PSME4: variants seen among roughly 807,000 people sequenced by gnomAD.
PSME4 encodes the protein proteasome activator complex subunit 4.
A neutral mutation model predicts 253.9 loss-of-function variants in PSME4; 89 were observed. The observed-to-expected ratio is 0.35, with a 90% CI of 0.30 to 0.42. The LOEUF is 0.42. Among genes scored for constraint, PSME4 ranks in the 10% least tolerant of loss-of-function variants. The pLI is 1.00. For missense variants in PSME4, 2,014 were observed against 2,195.2 expected (o/e 0.92, Z 1.65); for synonymous variants, 851 against 759.2 (o/e 1.12, Z -1.99).
At position 53,949,150 on chromosome 2, in the gene PSME4, A is replaced by G. The variant is rs147035752; in HGVS notation, c.376T>C (p.Leu126=). ...MQGFARLLIN[L]LKKKELLSRA... ...CTCTGGAAAAAGACTTACTTTAACA[A>G]GTTGATCAAAAGGCGGGCAAATCCC... Residue 126 remains leucine (L), a synonymous_variant, in exon 2 of 47, where the codon TTG becomes CTG. Transcript: ENST00000404125. The G allele has an allele frequency of 1.3e-5, 20 of 1,594,400 alleles. No individual in the cohort carries two copies. The African/African-American group carries it at 2.6e-4, about 20-fold the overall frequency.
At chr2:53,917,572 C>T (rs562893962) in intron 20 of PSME4, among the ~76,000 whole-genome samples, 6 of 152,182 alleles carry the variant, frequency 3.9e-5, no homozygotes, top group Admixed American at 2.0e-4. Context: ...CTAATGATTA[C>T]TCAGTACTAA....
Position 53,928,170 on chromosome 2 carries a change from G to C in PSME4, c.1450C>G (p.Leu484Val). Residue 484 changes from leucine (L) to valine (V), a missense_variant, in exon 11 of 47, where the codon CTG becomes GTG. Around this residue, in one of 4 missense-constraint regions of PSME4, gnomAD observed 615 missense variants for 594.4 expected, o/e 1.03. Coordinates refer to ENST00000404125, the MANE Select transcript of PSME4 (RefSeq NM_014614.3). ...ACCCCAGGCAATGCTCTCATCAACA[G>C]AGGTAGCATATGTGTAGGACCTTCA... ...FPEGPTHMLPLLMRALPGVDP... is the reference protein window; with the variant it reads ...FPEGPTHMLPVLMRALPGVDP... 1 of 1,614,058 alleles carries C rather than the reference G, an allele frequency of 6.2e-7. No homozygotes were observed. The highest frequency in any genetic ancestry group is 8.5e-7 in the Non-Finnish European group (1 of 1,180,028).
At chr2:53,902,193 G>A (rs927736975) in intron 27 of PSME4, among the ~76,000 whole-genome samples, 1 of 152,190 alleles carries the variant, frequency 6.6e-6, no homozygotes, top group African/African-American at 2.4e-5. Context: ...ACCACAACAT[G>A]TGTCACTCTT....
rs747424527 is a variant in PSME4, at chr2:53,887,278, G to A, written c.4710C>T (p.Gly1570=). The A allele has an allele frequency of 1.9e-6, 3 of 1,613,284 alleles. No individual in the cohort carries two copies. The highest frequency in any genetic ancestry group is 2.5e-6 in the Non-Finnish European group (3 of 1,179,426). Reference sequence around the variant, plus strand: ...ACTCACTGGTTTTCAAGAGTTTAATGCCCTGAGTTCGCTCATCTTCTTCAC... The same window carrying A: ...ACTCACTGGTTTTCAAGAGTTTAATACCCTGAGTTCGCTCATCTTCTTCAC... ...GIGEEDERTQ[G]IKLLKTILKW... Residue 1570 remains glycine (G), a synonymous_variant, in exon 40 of 47, where the codon GGC becomes GGT. Transcript: ENST00000404125.
chr2:53,894,737 T>C (rs1680065373), intron 34 of PSME4, among the ~76,000 whole-genome samples: 1 of 151,996 alleles, frequency 6.6e-6, no homozygotes, highest in Non-Finnish European at 1.5e-5. Context: ...ATACAAGAAA[T>C]GAGCAGCAAA....
Position 53,932,026 on chromosome 2 carries a change from C to T in PSME4, c.1125G>A (p.Lys375=), listed in dbSNP as rs1465606600. The T allele has an allele frequency of 2.5e-6, 4 of 1,613,332 alleles. No homozygotes were observed. The highest frequency in any genetic ancestry group is 1.1e-5 in the South Asian group (1 of 91,078). The part of the protein sequence containing the change: ...VRRLHRERYK[K]PSWLTPVPDS... Reference sequence around the variant, plus strand: ...CAGGCACAGGAGTTAACCAAGAGGGCTTCTTGTATCTTTCACGATGCAATC... The same window carrying T: ...CAGGCACAGGAGTTAACCAAGAGGGTTTCTTGTATCTTTCACGATGCAATC... Residue 375 remains lysine, a synonymous_variant, in exon 10 of 47, where the codon AAG becomes AAA. Coordinates refer to ENST00000404125, the MANE Select transcript of PSME4 (RefSeq NM_014614.3).
At position 53,915,766 on chromosome 2, in the gene PSME4, G is replaced by C. The variant is rs374230635; in HGVS notation, c.2516+3385C>G. Among the ~76,000 whole-genome samples, 4 of 151,968 alleles carry C rather than the reference G, an allele frequency of 2.6e-5. No individual in the cohort carries two copies. In the East Asian group the frequency reaches 5.8e-4, roughly 22 times the overall value. ...ATCTAAGATTTATATAAGTTTAAAT[G>C]TTTAAAAAAAAGAATTTTATGAGGC... On this transcript the variant is annotated intron_variant, in intron 20 of 46. Transcript: ENST00000404125.
chr2:53,876,583 T>TTATATA (rs147877530), intron 41 of PSME4, among the ~76,000 whole-genome samples: 4 of 150,024 alleles, frequency 2.7e-5, no homozygotes, highest in African/African-American at 9.8e-5. Flanking sequence ...GCTAGAATAC[T>TTATATA]TATATATATA....
rs931357962 is a variant in PSME4, at chr2:53,864,964, A to G, written c.*614T>C. ...CCCCAATTTTTTAGCAACTGGCTCT[A>G]TTCAGCACCAAAAACTCCAGTCTGT... On this transcript the variant is annotated 3_prime_UTR_variant, in exon 47 of 47. Transcript: ENST00000404125. 3.3e-5 allele frequency: 5 copies of G among 152,650 alleles called. No homozygotes were observed. The highest frequency in any genetic ancestry group is 7.3e-5 in the Non-Finnish European group (5 of 68,040). 9.5% of individuals were successfully genotyped at this position (152,650 alleles called of 1,614,324 possible). A position where few individuals can be genotyped will look rare whatever the true frequency, so the allele number is the denominator to read the frequency against.
chr2:53,926,818 C>G (rs1400947057), intron 12 of PSME4, among the ~76,000 whole-genome samples: 1 of 151,040 alleles, frequency 6.6e-6, no homozygotes, highest in Non-Finnish European at 1.5e-5. Flanking sequence ...ACTAAAATTA[C>G]AAAAAATTAG....
chr2:53,965,496 G>A (rs1259458451), intron 1 of PSME4, among the ~76,000 whole-genome samples: 3 of 151,954 alleles, frequency 2.0e-5, no homozygotes, highest in Admixed American at 6.6e-5. Flanking sequence ...GATTACAGGC[G>A]TGAGCCGCCA....
intron 12 of PSME4, 27 bp downstream of exon 12, chr2:53,927,367 C>G (rs774097211): frequency 7.0e-7 from 1 of 1,425,444 alleles, no homozygotes; most frequent in Non-Finnish European, 9.9e-7. Flanking sequence ...ACATCTTAGC[C>G]CTTTTATAAC....
At chr2:53,940,808 A>G (rs935503111) in intron 3 of PSME4, among the ~76,000 whole-genome samples, 1 of 146,854 alleles carries the variant, frequency 6.8e-6, no homozygotes, top group Non-Finnish European at 1.5e-5. Flanking sequence ...TTACAGTATG[A>G]TATGTACAAG....
chr2:53,866,934 T>G, intron 44 of PSME4, 54 bp from the exon 45 acceptor site: 1 of 1,503,108 alleles, frequency 6.7e-7, no homozygotes. Flanking sequence ...CTAATGCACT[T>G]GTTACAGTGA....
chr2:53,966,075 C>T (rs1670722928), intron 1 of PSME4, among the ~76,000 whole-genome samples: 1 of 151,956 alleles, frequency 6.6e-6, no homozygotes, highest in Non-Finnish European at 1.5e-5. Flanking sequence ...CATTTGGGGC[C>T]AGGAGTTTGA....
At chr2:53,921,822 C>T (rs545909241) in intron 17 of PSME4, among the ~76,000 whole-genome samples, 44 of 114,616 alleles carry the variant, frequency 3.8e-4, no homozygotes, top group African/African-American at 1.2e-3. Context: ...GAGCCGAGAT[C>T]GTGCCACTGC....
intron 1 of PSME4, 39 bp downstream of exon 1, chr2:53,970,504 T>C (rs1671016010): frequency 6.5e-7 from 1 of 1,547,622 alleles, no homozygotes; most frequent in East Asian, 2.4e-5. Context: ...TCACTGAGCC[T>C]TTCCCCCCGG....
rs577636685 is a variant in PSME4 at position 53,890,544 on chromosome 2, C to G, written c.4192-336G>C. 2.6e-5 allele frequency among the ~76,000 whole-genome samples: 4 copies of G among 152,296 alleles called. No homozygotes were observed. The South Asian group carries it at 8.3e-4, about 32-fold the overall frequency. On this transcript the variant is annotated intron_variant, in intron 36 of 46. Coordinates refer to ENST00000404125, the MANE Select transcript of PSME4 (RefSeq NM_014614.3). ...CTGGTCTTGAACTCCTAGCCTCAAG[C>G]AATCCTCTCACCTTGGCCTCCCAAA...
At chr2:53,897,529 C>A (rs1680198377) in intron 31 of PSME4, among the ~76,000 whole-genome samples, 1 of 152,142 alleles carries the variant, frequency 6.6e-6, no homozygotes, top group Non-Finnish European at 1.5e-5. Context: ...ATCTCCCCAA[C>A]CCCCACCTCA....
Sources: gnomAD v4.1 joint callset for allele counts (sites outside exome capture counted in the v4.1 genomes callset) on GRCh38, gnomAD v4.1.1 for gene constraint, gnomAD v4.1.1 regional missense constraint, MANE v1.5 for transcripts, NCBI Gene and HGNC (gene_info 2026-07-23, HGNC 2026-07-21) for gene names.